ATAD3B: variants seen among roughly 807,000 people sequenced by gnomAD.
The protein encoded by ATAD3B is ATPase family AAA domain-containing protein 3B.
In ATAD3B, 59 loss-of-function variants were observed where a neutral mutation model predicts 70.2. The observed-to-expected ratio is 0.84, with a 90% CI of 0.68 to 1.04. ATAD3B has a LOEUF of 1.04. Among genes scored for constraint, ATAD3B ranks in the 50% least tolerant of loss-of-function variants. The pLI, the probability that ATAD3B is intolerant of heterozygous loss-of-function variation, is 0.00. For synonymous variants in ATAD3B, 423 were observed against 388.6 expected, an observed-to-expected ratio of 1.09 and a Z score of -1.04; for missense variants, 961 against 913.4, an observed-to-expected ratio of 1.05 and a Z score of -0.67.
Position 1,472,099 on chromosome 1 carries a change from G to A in ATAD3B, c.205+10G>A. 1 of 1,110,590 alleles carries A rather than the reference G, an allele frequency of 9.0e-7. No individual in the cohort carries two copies. 68.8% of individuals were successfully genotyped at this position (1,110,590 alleles called of 1,614,324 possible). A position where few individuals can be genotyped will look rare whatever the true frequency, so the allele number is the denominator to read the frequency against. On this transcript the variant is annotated intron_variant, in intron 1 of 15. Transcript: ENST00000673477. ...GAGCTGGAGCACTCGCGTGAGTGCG[G>A]CGGGGCGGGGCGGGGCGGGCGGGCG...
chr1:1,479,979 C>G (rs1340338662), intron 4 of ATAD3B, among the ~76,000 whole-genome samples: 1 of 145,492 alleles, frequency 6.9e-6, no homozygotes, highest in African/African-American at 2.6e-5. Context: ...CACACACACA[C>G]AGGCATGGAC....
At chr1:1,499,419 TAG>T (rs1241597036), downstream of ATAD3B, among the ~76,000 whole-genome samples, 6 of 150,392 alleles carry the variant, frequency 4.0e-5, no homozygotes, top group Non-Finnish European at 8.9e-5. Context: ...GTATTTTTAG[TAG>T]AGAGGGGGTT....
downstream of ATAD3B, among the ~76,000 whole-genome samples, chr1:1,499,426 G>T (rs1640894076): frequency 6.8e-6 from 1 of 147,938 alleles, no homozygotes; most frequent in African/African-American, 2.5e-5. Flanking sequence ...TAGTAGAGAG[G>T]GGGTTATACC....
chr1:1,493,163 A>G (rs1054495455), intron 15 of ATAD3B, among the ~76,000 whole-genome samples: 1 of 151,948 alleles, frequency 6.6e-6, no homozygotes, highest in Non-Finnish European at 1.5e-5. Context: ...TCTTACATGT[A>G]GCATTTTCTA....
chr1:1,495,750 C>G lies in ATAD3B; in HGVS notation c.1880C>G (p.Pro627Arg). The change falls in exon 16 of 16, where the codon CCT becomes CGT. Residue 627 changes from proline (P) to arginine (R), a missense_variant. By Grantham distance (103) the Pro-to-Arg change is moderately radical. Around this residue, in one of 4 missense-constraint regions of ATAD3B, gnomAD observed 417 missense variants for 335.0 expected, o/e 1.24. Transcript: ENST00000673477. The stretch of plus-strand genomic sequence containing the variant: ...ATGGGGACTGGGCTGTGCCCAGGGC[C>G]TCTGTCCCCCAGGATGTCTTGTGGT... Reference protein sequence around the residue: ...SWMGTGLCPGPLSPRMSCGGG... With the variant: ...SWMGTGLCPGRLSPRMSCGGG... 1 of 1,611,750 alleles carries G rather than the reference C, an allele frequency of 6.2e-7. No individual in the cohort carries two copies. The highest frequency in any genetic ancestry group is 8.5e-7 in the Non-Finnish European group (1 of 1,178,884).
chr1:1,485,398 A>G (rs1264445540), intron 8 of ATAD3B, among the ~76,000 whole-genome samples: 3 of 151,782 alleles, frequency 2.0e-5, no homozygotes. Context: ...AGGGCTCTTG[A>G]TGGGGCCTGG....
In ATAD3B at chr1:1,497,298, C is replaced by A. The variant is rs1228913385; in HGVS notation, c.*1481C>A. 6.7e-6 allele frequency: 1 copy of A among 148,684 alleles called. No individual in the cohort carries two copies. Among genetic ancestry groups the A allele is most frequent in the Non-Finnish European group, 1.5e-5 (1 of 67,152 alleles). 9.2% of individuals were successfully genotyped at this position (148,684 alleles called of 1,614,324 possible). A position where few individuals can be genotyped will look rare whatever the true frequency, so the allele number is the denominator to read the frequency against. On this transcript the variant is annotated 3_prime_UTR_variant, in exon 16 of 16. Coordinates refer to ENST00000673477, the MANE Select transcript of ATAD3B (RefSeq NM_031921.6). ...GATTATAGCTCACTGCAGCCTCGAC[C>A]TCCCAGGCTCAAGTGATCCTCCTGC...
intron 5 of ATAD3B, among the ~76,000 whole-genome samples, chr1:1,481,328 A>C (rs1639898614): frequency 1.4e-5 from 1 of 71,824 alleles, no homozygotes; most frequent in Non-Finnish European, 2.4e-5. Context: ...TCCCGCCACC[A>C]CGCCCAGCTA....
downstream of ATAD3B, among the ~76,000 whole-genome samples, chr1:1,502,145 C>G (rs1260573563): frequency 6.6e-6 from 1 of 151,990 alleles, no homozygotes; most frequent in Non-Finnish European, 1.5e-5. Context: ...TCCCAAAGTG[C>G]TGGGATTATA....
chr1:1,491,081 C>T (rs1338881499), intron 15 of ATAD3B, among the ~76,000 whole-genome samples: 1 of 151,900 alleles, frequency 6.6e-6, no homozygotes, highest in South Asian at 2.1e-4. Flanking sequence ...TGGACCAGGT[C>T]CCTTGGCTTG....
rs1640777662 is a variant in ATAD3B, at chr1:1,496,024, G to A, written c.*207G>A. On this transcript the variant is annotated 3_prime_UTR_variant, in exon 16 of 16. Transcript: ENST00000673477. ...GTTCTCGGCTCCCACAGCAGAGCCA[G>A]GTGAGGGGGGGCCTGCCAGGACTAG... 11 of 1,336,566 alleles carry A rather than the reference G, an allele frequency of 8.2e-6. No individual in the cohort carries two copies. The highest frequency in any genetic ancestry group is 4.4e-5 in the African/African-American group (3 of 67,924). The allele number at this position is 1,336,566 out of a possible 1,614,324, so 82.8% of individuals were successfully genotyped here.
intron 15 of ATAD3B, among the ~76,000 whole-genome samples, chr1:1,491,555 G>A (rs748563375): frequency 1.3e-5 from 2 of 151,840 alleles, no homozygotes; most frequent in African/African-American, 4.8e-5. Context: ...TTTGGTCTTT[G>A]GGGGTTGCTG....
chr1:1,472,223 C>G lies in ATAD3B; in HGVS notation c.205+134C>G, dbSNP rs957445157. On this transcript the variant is annotated intron_variant, in intron 1 of 15. Transcript: ENST00000673477. ...CGAGACTGCGCCCCCGGAGCACCCC[C>G]GGCCGGAGCCGTCTCGCGTGCCGGG... 445 of 1,404,352 alleles carry G rather than the reference C, an allele frequency of 3.2e-4. 2 individuals are homozygous for G. Among genetic ancestry groups the G allele is most frequent in the Middle Eastern group, 7.8e-4 (3 of 3,834 alleles). 87.0% of individuals were successfully genotyped at this position (1,404,352 alleles called of 1,614,324 possible).
At chr1:1,506,356 A>G in the ATAD3B span, among the ~76,000 whole-genome samples, 6 of 151,906 alleles carry the variant, frequency 3.9e-5, no homozygotes, top group East Asian at 1.2e-3. Context: ...CAGGGATTGC[A>G]TCCAGTCTCT....
At position 1,489,821 on chromosome 1, in the gene ATAD3B, A is replaced by G. The variant is rs1255472083; in HGVS notation, c.1338-436A>G. 4.0e-6 allele frequency: 5 copies of G among 1,257,002 alleles called. No individual in the cohort carries two copies. The African/African-American group carries it at 7.8e-5, about 20-fold the overall frequency. The allele number at this position is 1,257,002 out of a possible 1,614,324, so 77.9% of individuals were successfully genotyped here. On this transcript the variant is annotated intron_variant, in intron 13 of 15. Transcript: ENST00000673477. ...TGGAGCCCTGACTCAGGTCCTTCCCAGAGAGGCAAGGCTGGGGCCCTGCTG... is the reference window on the plus strand; with the variant it reads ...TGGAGCCCTGACTCAGGTCCTTCCCGGAGAGGCAAGGCTGGGGCCCTGCTG...
At chr1:1,474,938 T>C (rs897198570) in intron 1 of ATAD3B, among the ~76,000 whole-genome samples, 3 of 150,138 alleles carry the variant, frequency 2.0e-5, no homozygotes, top group Non-Finnish European at 3.0e-5. Flanking sequence ...TCCTAGTTCC[T>C]GGGGGTTTTC....
At chr1:1,503,747 G>T in the ATAD3B span, 3 of 1,571,738 alleles carry the variant, frequency 1.9e-6, no homozygotes, top group Non-Finnish European at 2.6e-6. Flanking sequence ...CGGTGGGTAG[G>T]GCTGGTGGCA....
intron 4 of ATAD3B, among the ~76,000 whole-genome samples, chr1:1,479,321 C>A (rs1639770509): frequency 6.8e-6 from 1 of 147,782 alleles, no homozygotes; most frequent in Non-Finnish European, 1.5e-5. Flanking sequence ...GAGACACAGG[C>A]ACCTGCCCAC....
At chr1:1,504,014 A>T in the ATAD3B span, among the ~76,000 whole-genome samples, 1 of 151,774 alleles carries the variant, frequency 6.6e-6, no homozygotes, top group Non-Finnish European at 1.5e-5. Flanking sequence ...TTGAAACGGA[A>T]TCTTGCTCTG....
Sources: gnomAD v4.1 joint callset for allele counts (sites outside exome capture counted in the v4.1 genomes callset) on GRCh38, gnomAD v4.1.1 for gene constraint, gnomAD v4.1.1 regional missense constraint, MANE v1.5 for transcripts, NCBI Gene and HGNC (gene_info 2026-07-23, HGNC 2026-07-21) for gene names.